SPINT2: variants seen among roughly 807,000 people sequenced by gnomAD.
SPINT2 encodes the protein kunitz-type protease inhibitor 2.
Under a neutral mutation model 30.1 loss-of-function variants are expected in SPINT2, and 18 were observed. The ratio of observed to expected loss-of-function variants is 0.60; its 90% CI spans 0.41 to 0.89. The LOEUF (loss-of-function observed/expected upper bound fraction) is 0.89. Among genes scored for constraint, SPINT2 ranks in the 40% least tolerant of loss-of-function variants. SPINT2 has a pLI of 0.00. For synonymous variants in SPINT2, 139 were observed against 137.9 expected (o/e 1.01, Z -0.05); for missense variants, 276 against 334.3 (o/e 0.83, Z 1.36).
At position 38,265,826 on chromosome 19, in the gene SPINT2, G is replaced by C. The variant is rs578099444; in HGVS notation, c.106+828G>C. On this transcript the variant is annotated intron_variant, in intron 1 of 6. Transcript: ENST00000301244. ...AGGCCCTGCTACGTGTCAGGCACTG[G>C]CGCTGGTTATAACAGTTAACTCAGA... Among the ~76,000 whole-genome samples the C allele has an allele frequency of 9.2e-5, 14 of 152,360 alleles. No individual in the cohort carries two copies. The East Asian group carries it at 2.7e-3, about 29-fold the overall frequency.
rs758352175 is a variant in SPINT2, at chr19:38,283,711, A to G, written c.191A>G (p.Gln64Arg). 8.7e-6 allele frequency: 14 copies of G among 1,613,974 alleles called. No individual in the cohort carries two copies. Among genetic ancestry groups the G allele is most frequent in the Non-Finnish European group, 1.2e-5 (14 of 1,180,036 alleles). Residue 64 changes from glutamine to arginine, a missense_variant, in exon 2 of 7, where the codon CAG becomes CGG. Physicochemically the swap from Gln to Arg is conservative, Grantham distance 43. Coordinates refer to ENST00000301244, the MANE Select transcript of SPINT2 (RefSeq NM_021102.4). ...WWYNVTDGSCQLFVYGGCDGN... is the reference protein window; with the variant it reads ...WWYNVTDGSCRLFVYGGCDGN... ...TACAATGTCACTGACGGATCCTGCC[A>G]GCTGTTTGTGTATGGGGGCTGTGAC...
chr19:38,273,055 A>G (rs570978111), intron 1 of SPINT2, among the ~76,000 whole-genome samples: 68 of 152,132 alleles, frequency 4.5e-4, no homozygotes, highest in African/African-American at 1.4e-3. Context: ...AATATTTTAT[A>G]TAGAAAATAC....
intron 1 of SPINT2, among the ~76,000 whole-genome samples, chr19:38,268,767 G>A (rs1471569401): frequency 1.0e-4 from 11 of 108,312 alleles, no homozygotes; most frequent in Non-Finnish European, 1.4e-4. Flanking sequence ...GCGCGCGCGC[G>A]TGTGTGTGTG....
In SPINT2 at chr19:38,272,789, G is replaced by A. The variant is rs181241377; in HGVS notation, c.106+7791G>A. Among the ~76,000 whole-genome samples the A allele has an allele frequency of 3.0e-4, 45 of 152,180 alleles. 1 individual carries two copies. The East Asian group carries it at 4.3e-3, about 14-fold the overall frequency. The stretch of plus-strand genomic sequence containing the variant: ...CTCTGGAGTGCAGTGGTGCGATCTC[G>A]GCTCACTGCAACCTCCACCTTCTGG... On this transcript the variant is annotated intron_variant, in intron 1 of 6. Transcript: ENST00000301244.
intron 1 of SPINT2, among the ~76,000 whole-genome samples, chr19:38,274,013 T>C (rs1968487064): frequency 6.6e-6 from 1 of 152,060 alleles, no homozygotes; most frequent in Non-Finnish European, 1.5e-5. Flanking sequence ...GGTGGATCAT[T>C]TGAGCCCAGG....
rs1380041295 is a variant in SPINT2 at position 38,292,156 on chromosome 19, A to G, written c.*150A>G. On this transcript the variant is annotated 3_prime_UTR_variant, in exon 7 of 7. Coordinates refer to ENST00000301244, the MANE Select transcript of SPINT2 (RefSeq NM_021102.4). ...ACGGCTGCTTCCTGGTCTGGCAGGGATGGGTTTGCTTTGGAAATCCTCTAG... is the reference window on the plus strand; with the variant it reads ...ACGGCTGCTTCCTGGTCTGGCAGGGGTGGGTTTGCTTTGGAAATCCTCTAG... 1.7e-6 allele frequency: 2 copies of G among 1,160,332 alleles called. No individual in the cohort carries two copies. Among genetic ancestry groups the G allele is most frequent in the African/African-American group, 3.1e-5 (2 of 65,376 alleles). The allele number at this position is 1,160,332 out of a possible 1,614,324, so 71.9% of individuals were successfully genotyped here.
chr19:38,290,097 C>T lies in SPINT2; in HGVS notation c.392-22C>T, dbSNP rs770787363. The T allele has an allele frequency of 2.5e-6, 4 of 1,612,260 alleles. No homozygotes were observed. The highest frequency in any genetic ancestry group is 3.4e-6 in the Non-Finnish European group (4 of 1,180,018). On this transcript the variant is annotated intron_variant, in intron 4 of 6. Coordinates refer to ENST00000301244, the MANE Select transcript of SPINT2 (RefSeq NM_021102.4). The surrounding 1 kb of genome is among the most constrained non-coding windows in gnomAD (Gnocchi z 4.3). The stretch of plus-strand genomic sequence containing the variant: ...CTTGCGGGCCCTACTAATTTGTATT[C>T]CCTGGGCTGTCTTACTCCTAGAATA...
chr19:38,271,825 A>G (rs1968460470), intron 1 of SPINT2, among the ~76,000 whole-genome samples: 1 of 151,516 alleles, frequency 6.6e-6, no homozygotes, highest in South Asian at 2.1e-4. Flanking sequence ...TCTCAGAAAA[A>G]AAAGAGGGCA....
intron 1 of SPINT2, among the ~76,000 whole-genome samples, chr19:38,275,474 G>A (rs753792142): frequency 5.9e-5 from 9 of 151,692 alleles, no homozygotes; most frequent in Non-Finnish European, 1.5e-5. Context: ...ACAGGCGCGC[G>A]CCACTGTGCC....
rs1280438646 is a variant in SPINT2, at chr19:38,290,666, C to G, written c.592+91C>G. 4.1e-6 allele frequency: 6 copies of G among 1,477,498 alleles called. No homozygotes were observed. The highest frequency in any genetic ancestry group is 1.7e-4 in the Middle Eastern group (1 of 5,872). 91.5% of individuals were successfully genotyped at this position (1,477,498 alleles called of 1,614,324 possible). Reference sequence around the variant, plus strand: ...CCTGCCCAGCTGTGGTTTACATTATCCTTCACTGTGAACATCATCTTGGCA... The same window carrying G: ...CCTGCCCAGCTGTGGTTTACATTATGCTTCACTGTGAACATCATCTTGGCA... On this transcript the variant is annotated intron_variant, in intron 6 of 6. Transcript: ENST00000301244. The surrounding 1 kb of genome is among the most constrained non-coding windows in gnomAD (Gnocchi z 4.3).
chr19:38,271,213 C>T (rs560070900), intron 1 of SPINT2, among the ~76,000 whole-genome samples: 7 of 152,192 alleles, frequency 4.6e-5, no homozygotes, highest in South Asian at 2.1e-4. Context: ...AGGGCGAGGC[C>T]GGGCGCGGTG....
intron 2 of SPINT2, among the ~76,000 whole-genome samples, chr19:38,285,816 AAGG>A (rs895082548): frequency 6.6e-6 from 1 of 152,148 alleles, no homozygotes; most frequent in Admixed American, 6.5e-5. Context: ...ATTCATTATG[AAGG>A]AGGACTTGGG....
chr19:38,271,431 G>A (rs1968454897), intron 1 of SPINT2, among the ~76,000 whole-genome samples: 1 of 152,026 alleles, frequency 6.6e-6, no homozygotes, highest in Non-Finnish European at 1.5e-5. Context: ...AGTGGAGCTT[G>A]CAGTGAGCTG....
At chr19:38,268,174 T>C (rs1270269493) in intron 1 of SPINT2, among the ~76,000 whole-genome samples, 1 of 151,888 alleles carries the variant, frequency 6.6e-6, no homozygotes, top group East Asian at 1.9e-4. Context: ...ATGTGGTCTA[T>C]GATTGATGTG....
intron 1 of SPINT2, among the ~76,000 whole-genome samples, chr19:38,280,843 T>A (rs930047211): frequency 5.9e-5 from 9 of 152,202 alleles, no homozygotes; most frequent in Non-Finnish European, 1.3e-4. Context: ...TCACATGCCA[T>A]ATGATTCACC....
At chr19:38,269,636 T>C (rs1302039008) in intron 1 of SPINT2, among the ~76,000 whole-genome samples, 19 of 131,538 alleles carry the variant, frequency 1.4e-4, no homozygotes, top group African/African-American at 5.2e-4. Flanking sequence ...TGAGACGGAG[T>C]GTCTCGCTCT....
At chr19:38,268,925 C>T (rs1221728461) in intron 1 of SPINT2, among the ~76,000 whole-genome samples, 1 of 151,976 alleles carries the variant, frequency 6.6e-6, no homozygotes, top group African/African-American at 2.4e-5. Context: ...TGCTCAACAC[C>T]AGGCCAGATC....
chr19:38,290,354 T>C lies in SPINT2; in HGVS notation c.553+74T>C, dbSNP rs1600352528. 2 of 1,584,436 alleles carry C rather than the reference T, an allele frequency of 1.3e-6. No homozygotes were observed. The highest frequency in any genetic ancestry group is 2.3e-5 in the East Asian group (1 of 43,732). ...GGTCCATCTCCCCATCCCTAAAATA[T>C]GAAGGCCTTGGAAATGCTGTTCTTG... On this transcript the variant is annotated intron_variant, in intron 5 of 6. Coordinates refer to ENST00000301244, the MANE Select transcript of SPINT2 (RefSeq NM_021102.4). The surrounding 1 kb of genome is among the most constrained non-coding windows in gnomAD (Gnocchi z 4.3).
At position 38,264,787 on chromosome 19, in the gene SPINT2, G is replaced by C; in HGVS notation, c.-106G>C. 7.9e-7 allele frequency: 1 copy of C among 1,261,566 alleles called. No individual in the cohort carries two copies. Among genetic ancestry groups the C allele is most frequent in the South Asian group, 1.3e-5 (1 of 75,308 alleles). The allele number at this position is 1,261,566 out of a possible 1,614,324, so 78.1% of individuals were successfully genotyped here. A position where few individuals can be genotyped will look rare whatever the true frequency, so the allele number is the denominator to read the frequency against. On this transcript the variant is annotated 5_prime_UTR_variant, in exon 1 of 7. Coordinates refer to ENST00000301244, the MANE Select transcript of SPINT2 (RefSeq NM_021102.4). ...GGACCCTCCCGGAGCGTCGGCACCT[G>C]AACGCGAGGCGCTCCATTGCGCGTG...
Sources: gnomAD v4.1 joint callset for allele counts (sites outside exome capture counted in the v4.1 genomes callset) on GRCh38, gnomAD v4.1.1 for gene constraint, Gnocchi (gnomAD v3.1) non-coding constraint, MANE v1.5 for transcripts, NCBI Gene and HGNC (gene_info 2026-07-23, HGNC 2026-07-21) for gene names.